The following HYDIN variants were observed in gnomAD, a reference collection of about 807,000 sequenced individuals.
HYDIN encodes the protein HYDIN axonemal central pair apparatus protein, also known as axonemal central pair apparatus protein HYDIN.
In HYDIN, 132 loss-of-function variants were observed where a neutral mutation model predicts 403.9. The ratio of observed to expected loss-of-function variants is 0.33; its 90% CI spans 0.28 to 0.38. HYDIN has a LOEUF of 0.38. HYDIN is among the 10% of genes least tolerant of loss of function. The pLI is 1.00. For synonymous variants in HYDIN, 1,202 were observed against 1,891.7 expected, an observed-to-expected ratio of 0.64 and a Z score of 9.46; for missense variants, 2,827 against 5,009.5, an observed-to-expected ratio of 0.56 and a Z score of 13.15.
intron 1 of HYDIN, among the ~76,000 whole-genome samples, chr16:71,191,838 T>C (rs1331980837): frequency 6.6e-6 from 1 of 152,138 alleles, no homozygotes; most frequent in Non-Finnish European, 1.5e-5. Flanking sequence ...AGCTCTGCTT[T>C]CTCCTATATT....
At chr16:71,135,760 G>T (rs1468587005) in intron 8 of HYDIN, among the ~76,000 whole-genome samples, 1 of 150,830 alleles carries the variant, frequency 6.6e-6, no homozygotes, top group Non-Finnish European at 1.5e-5. Context: ...ATGCCATAAA[G>T]CCAGAGGAAG....
intron 11 of HYDIN, among the ~76,000 whole-genome samples, chr16:71,090,796 C>T (rs1419930666): frequency 6.6e-6 from 1 of 151,448 alleles, no homozygotes; most frequent in Admixed American, 6.6e-5. Context: ...TGAGCCACCA[C>T]ACGTAGTCAG....
At chr16:70,819,637 T>C (rs1266903462) in intron 83 of HYDIN, among the ~76,000 whole-genome samples, 1 of 147,624 alleles carries the variant, frequency 6.8e-6, no homozygotes, top group African/African-American at 2.5e-5. Flanking sequence ...CAGCATCTTC[T>C]CGTGTTTTTA....
At chr16:71,216,375 T>C (rs1219847795) in intron 1 of HYDIN, among the ~76,000 whole-genome samples, 3 of 152,212 alleles carry the variant, frequency 2.0e-5, no homozygotes, top group African/African-American at 7.2e-5. Flanking sequence ...TACAGTGTGA[T>C]TCAATTTATA....
At chr16:71,086,303 C>A (rs1050828497) in intron 12 of HYDIN, among the ~76,000 whole-genome samples, 1 of 151,986 alleles carries the variant, frequency 6.6e-6, no homozygotes, top group Non-Finnish European at 1.5e-5. Context: ...TAATATACAA[C>A]CTTGCTTGAA....
In HYDIN at chr16:70,882,901, G is replaced by A; in HGVS notation, c.9980-6C>T. 15 of 1,585,402 alleles carry A rather than the reference G, an allele frequency of 9.5e-6. No homozygotes were observed. Among genetic ancestry groups the A allele is most frequent in the Non-Finnish European group, 1.3e-5 (15 of 1,153,930 alleles). ...ATTGTTTTCGGTCACGAAGGCTGGGGAGTGAAGGGGAGACCATGAGATGCT... is the reference window on the plus strand; with the variant it reads ...ATTGTTTTCGGTCACGAAGGCTGGGAAGTGAAGGGGAGACCATGAGATGCT... On this transcript the variant is annotated splice_region_variant and splice_polypyrimidine_tract_variant and intron_variant, in intron 59 of 85. Coordinates refer to ENST00000393567, the MANE Select transcript of HYDIN (RefSeq NM_001270974.2).
At position 71,061,861 on chromosome 16, in the gene HYDIN, AGTGT is replaced by A. The variant is rs66689823; in HGVS notation, c.2376+304_2376+307del. Among the ~76,000 whole-genome samples, 52 of 144,100 alleles carry A rather than the reference AGTGT, an allele frequency of 3.6e-4. No individual in the cohort carries two copies. The South Asian group carries it at 3.9e-3, about 11-fold the overall frequency. 94.5% of individuals were successfully genotyped at this position (144,100 alleles called of 152,430 possible). A position where few individuals can be genotyped will look rare whatever the true frequency, so the allele number is the denominator to read the frequency against. On this transcript the variant is annotated intron_variant, in intron 17 of 85. Transcript: ENST00000393567. Reference sequence around the variant, plus strand: ...TGGAGAGGGGTCAGGCATGTGTGACAGTGTGTGTGTGTGTGTGTGTGTGTGTGTG... The same window carrying A: ...TGGAGAGGGGTCAGGCATGTGTGACAGTGTGTGTGTGTGTGTGTGTGTGTG...
At chr16:71,185,971 G>A (rs1347957480) in intron 2 of HYDIN, among the ~76,000 whole-genome samples, 2 of 152,058 alleles carry the variant, frequency 1.3e-5, no homozygotes, top group African/African-American at 4.8e-5. Context: ...TTTCAACTTG[G>A]TTAAGATCTT....
At chr16:70,941,005 C>G (rs556242931) in intron 43 of HYDIN, among the ~76,000 whole-genome samples, 3 of 151,422 alleles carry the variant, frequency 2.0e-5, no homozygotes, top group African/African-American at 7.3e-5. Context: ...GCTAACATTA[C>G]TTGTGTGTGT....
chr16:70,810,155 C>G (rs2035379743), intron 84 of HYDIN, 148 bp from the exon 85 acceptor site: 1 of 700,750 alleles, frequency 1.4e-6, no homozygotes, highest in African/African-American at 1.8e-5. Flanking sequence ...CCTGTCCAAA[C>G]CAGCCCACCC....
chr16:70,890,240 C>A (rs1473120665), intron 57 of HYDIN, among the ~76,000 whole-genome samples: 2 of 152,330 alleles, frequency 1.3e-5, no homozygotes, highest in South Asian at 2.1e-4. Flanking sequence ...TCAAATGTAT[C>A]TGAAATGCAT....
At chr16:71,206,640 G>A (rs990406488) in intron 1 of HYDIN, among the ~76,000 whole-genome samples, 1 of 152,148 alleles carries the variant, frequency 6.6e-6, no homozygotes, top group South Asian at 2.1e-4. Context: ...CAAGATTCAG[G>A]AGAATGTTGA....
chr16:70,960,055 G>A (rs2078364923), intron 38 of HYDIN, among the ~76,000 whole-genome samples: 2 of 152,088 alleles, frequency 1.3e-5, no homozygotes, highest in Admixed American at 6.6e-5. Context: ...CTTTCATTTT[G>A]GGGAATCTCT....
intron 36 of HYDIN, among the ~76,000 whole-genome samples, chr16:70,965,145 A>G (rs1359117514): frequency 1.3e-5 from 2 of 151,940 alleles, no homozygotes; most frequent in Non-Finnish European, 2.9e-5. Context: ...ACCTGTGGAA[A>G]TATGTTTTCT....
At chr16:71,174,126 A>G (rs2144635399) in intron 5 of HYDIN, among the ~76,000 whole-genome samples, 1 of 152,334 alleles carries the variant, frequency 6.6e-6, no homozygotes, top group South Asian at 2.1e-4. Context: ...TATTTATTTC[A>G]GTAGAACCTC....
At chr16:71,009,386 C>CTT (rs59977381) in intron 23 of HYDIN, among the ~76,000 whole-genome samples, 156 of 144,600 alleles carry the variant, frequency 1.1e-3, no homozygotes, top group African/African-American at 2.6e-3. Flanking sequence ...TTTTTCTTTT[C>CTT]TTTTTTTTTT....
intron 23 of HYDIN, among the ~76,000 whole-genome samples, chr16:71,012,466 CT>C (rs2080119309): frequency 6.6e-6 from 1 of 152,202 alleles, no homozygotes; most frequent in Non-Finnish European, 1.5e-5. Context: ...TTACTTCTTT[CT>C]TTGTTCTTAG....
At chr16:70,808,490 T>C (rs2035246653) in intron 85 of HYDIN, among the ~76,000 whole-genome samples, 1 of 152,060 alleles carries the variant, frequency 6.6e-6, no homozygotes, top group African/African-American at 2.4e-5. Flanking sequence ...CCAATTTAAC[T>C]CCTGTCAGGG....
chr16:70,975,291 A>G, intron 30 of HYDIN, 22 bp from the exon 31 acceptor site: 1 of 355,460 alleles, frequency 2.8e-6, no homozygotes, highest in Non-Finnish European at 4.8e-6. Context: ...AGGAAGAGCA[A>G]GTCAGCAAAT....
Sources: gnomAD v4.1 joint callset for allele counts (sites outside exome capture counted in the v4.1 genomes callset) on GRCh38, gnomAD v4.1.1 for gene constraint, MANE v1.5 for transcripts, NCBI Gene and HGNC (gene_info 2026-07-23, HGNC 2026-07-21) for gene names.